Variants in ANXA6 observed in about 807,000 individuals in gnomAD.
ANXA6 encodes annexin A6, also known as 67 kDa calelectrin.
In ANXA6, 71 loss-of-function variants were observed where a neutral mutation model predicts 95.4. The ratio of observed to expected loss-of-function variants is 0.74; its 90% CI spans 0.61 to 0.91. The LOEUF (loss-of-function observed/expected upper bound fraction) is 0.91, where lower values mean the gene tolerates loss of function less well. Among genes scored for constraint, ANXA6 ranks in the 40% least tolerant of loss-of-function variants. The probability of loss-of-function intolerance (pLI) is 0.00; values close to 1 mark genes in which losing one functional copy is unlikely to be tolerated. For missense variants in ANXA6, 830 were observed against 876.4 expected (o/e 0.95, Z 0.67); for synonymous variants, 289 against 315.9 (o/e 0.91, Z 0.90).
intron 18 of ANXA6, among the ~76,000 whole-genome samples, chr5:151,119,040 C>T (rs1765086826): frequency 6.6e-6 from 1 of 152,166 alleles, no homozygotes; most frequent in Non-Finnish European, 1.5e-5. Flanking sequence ...CTAGAGTCGC[C>T]CTCCCTCTCT....
At position 151,110,105 on chromosome 5, in the gene ANXA6, G is replaced by A. The variant is rs560946337; in HGVS notation, c.1591-259C>T. Among the ~76,000 whole-genome samples the A allele has an allele frequency of 2.0e-4, 31 of 152,254 alleles. No individual in the cohort carries two copies. The South Asian group carries it at 5.0e-3, about 24-fold the overall frequency. ...GTACTTCCATCCTAGCCTCAGGACC[G>A]TGGGGCTGGGGCTCCTAGGAGGACC... On this transcript the variant is annotated intron_variant, in intron 21 of 25. Coordinates refer to ENST00000354546, the MANE Select transcript of ANXA6 (RefSeq NM_001155.5).
intron 24 of ANXA6, among the ~76,000 whole-genome samples, 174 bp from the exon 25 acceptor site, chr5:151,103,866 C>T (rs535288112): frequency 1.3e-5 from 2 of 152,360 alleles, no homozygotes; most frequent in African/African-American, 4.8e-5. Context: ...GTGCCCAGGA[C>T]TGGCCAGACT....
At chr5:151,137,079 G>A in intron 6 of ANXA6, 152 bp downstream of exon 6, 1 of 706,796 alleles carries the variant, frequency 1.4e-6, no homozygotes. Flanking sequence ...CCAGCACAGA[G>A]CAAGTACTTA....
rs1041310322 is a variant in ANXA6, at chr5:151,131,284, A to C, written c.742T>G (p.Cys248Gly). The C allele has an allele frequency of 1.6e-5, 26 of 1,613,898 alleles. No homozygotes were observed. The highest frequency in any genetic ancestry group is 2.2e-5 in the Non-Finnish European group (26 of 1,179,828). The change falls in exon 11 of 26, where the codon TGT (cysteine) becomes GGT (glycine). Residue 248 changes from cysteine to glycine, a missense_variant. Transcript: ENST00000354546. ...FEKLMLAVVK[C>G]IRSTPEYFAE... ...AAATATTCCGGGGTGCTCCGGATACACTTCACTGTGAAGAGGGAGGAAGAG... is the reference window on the plus strand; with the variant it reads ...AAATATTCCGGGGTGCTCCGGATACCCTTCACTGTGAAGAGGGAGGAAGAG...
intron 23 of ANXA6, among the ~76,000 whole-genome samples, chr5:151,107,849 C>G (rs1181568907): frequency 1.3e-5 from 2 of 152,010 alleles, no homozygotes; most frequent in African/African-American, 2.4e-5. Flanking sequence ...AGACGAGGGT[C>G]TGTGTGTGTG....
At position 151,137,341 on chromosome 5, in the gene ANXA6, G is replaced by C. The variant is rs183081295; in HGVS notation, c.319-20C>G. 6 of 1,601,948 alleles carry C rather than the reference G, an allele frequency of 3.7e-6. No individual in the cohort carries two copies. Among genetic ancestry groups the C allele is most frequent in the Non-Finnish European group, 5.1e-6 (6 of 1,171,940 alleles). ...AATGCCCTGGGGGTAGAAAAAGAGC[G>C]CATGAATTAAGGGCAGGGATGGGAG... On this transcript the variant is annotated intron_variant, in intron 5 of 25. Transcript: ENST00000354546.
At chr5:151,104,207 C>G (rs1173253279) in intron 24 of ANXA6, among the ~76,000 whole-genome samples, 2 of 152,140 alleles carry the variant, frequency 1.3e-5, no homozygotes, top group African/African-American at 4.8e-5. Flanking sequence ...AGGACCCAAC[C>G]CAGGCGACAC....
chr5:151,139,069 G>A, intron 4 of ANXA6: 2 of 591,826 alleles, frequency 3.4e-6, no homozygotes, highest in Non-Finnish European at 6.0e-6. Context: ...CTCGTTTACT[G>A]TGTATCTCTC....
intron 13 of ANXA6, 88 bp from the exon 14 acceptor site, chr5:151,126,568 A>G: frequency 1.1e-6 from 1 of 945,046 alleles, no homozygotes; most frequent in Admixed American, 2.0e-5. Context: ...ACACACACAC[A>G]CACCCCAACA....
intron 1 of ANXA6, among the ~76,000 whole-genome samples, chr5:151,149,558 C>T (rs931617570): frequency 6.6e-6 from 1 of 152,122 alleles, no homozygotes; most frequent in African/African-American, 2.4e-5. Flanking sequence ...GCAATCTCAG[C>T]TCCCTGCAAC....
chr5:151,146,332 T>G (rs1352893152), intron 2 of ANXA6, among the ~76,000 whole-genome samples: 1 of 152,160 alleles, frequency 6.6e-6, no homozygotes, highest in East Asian at 1.9e-4. Flanking sequence ...CACCTTGGAT[T>G]TTTGCCCATA....
chr5:151,142,027 C>T (rs1004670519), intron 2 of ANXA6, among the ~76,000 whole-genome samples: 5 of 152,252 alleles, frequency 3.3e-5, no homozygotes, highest in Non-Finnish European at 7.3e-5. Context: ...ACCAAATACT[C>T]AAGTATTTGC....
At chr5:151,135,170 G>A (rs1202543352) in intron 7 of ANXA6, among the ~76,000 whole-genome samples, 1 of 152,192 alleles carries the variant, frequency 6.6e-6, no homozygotes, top group African/African-American at 2.4e-5. Flanking sequence ...CTTCCCCCTG[G>A]ATTGTGCATT....
intron 7 of ANXA6, among the ~76,000 whole-genome samples, chr5:151,135,383 G>A (rs1765629734): frequency 6.6e-6 from 1 of 152,212 alleles, no homozygotes; most frequent in African/African-American, 2.4e-5. Context: ...CACTCCTGAG[G>A]TTTCTCCTGA....
chr5:151,132,423 G>A (rs1377524337), intron 10 of ANXA6, 53 bp downstream of exon 10: 4 of 1,350,152 alleles, frequency 3.0e-6, no homozygotes, highest in Admixed American at 2.1e-5. Context: ...TTGTTCCTAG[G>A]CCAGTGTTCC....
intron 18 of ANXA6, among the ~76,000 whole-genome samples, chr5:151,118,082 C>T (rs1765055202): frequency 6.6e-6 from 1 of 152,118 alleles, no homozygotes. Context: ...GTTGAGGTCC[C>T]ATTGCATCTC....
At chr5:151,154,756 A>T (rs758850219) in intron 1 of ANXA6, 13 of 152,244 alleles carry the variant, frequency 8.5e-5, no homozygotes, top group Non-Finnish European at 1.8e-4. Flanking sequence ...AGGACTGGAC[A>T]AGGCCTCAGG....
chr5:151,109,634 G>C, intron 22 of ANXA6, 119 bp downstream of exon 22: 1 of 752,588 alleles, frequency 1.3e-6, no homozygotes, highest in Non-Finnish European at 2.3e-6. Flanking sequence ...ACACGCTACT[G>C]CTGGGTTAAG....
At chr5:151,114,649 T>C (rs1336848620) in intron 20 of ANXA6, among the ~76,000 whole-genome samples, 4 of 121,840 alleles carry the variant, frequency 3.3e-5, no homozygotes, top group African/African-American at 8.7e-5. Flanking sequence ...AAAAAAAGTC[T>C]GAGTATTGAT....
Sources: gnomAD v4.1 joint callset for allele counts (sites outside exome capture counted in the v4.1 genomes callset) on GRCh38, gnomAD v4.1.1 for gene constraint, MANE v1.5 for transcripts, NCBI Gene and HGNC (gene_info 2026-07-23, HGNC 2026-07-21) for gene names.